RALGPS1: variants seen among roughly 807,000 people sequenced by gnomAD.
RALGPS1 encodes Ral GEF with PH domain and SH3 binding motif 1, also known as ras-specific guanine nucleotide-releasing factor RalGPS1.
Under a neutral mutation model 78.8 loss-of-function variants are expected in RALGPS1, and 19 were observed. The observed-to-expected ratio is 0.24, with a 90% CI of 0.17 to 0.35. The LOEUF is 0.35. Ranked by LOEUF, RALGPS1 falls within the 10% of genes least tolerant of loss-of-function variation. The pLI, the probability that RALGPS1 is intolerant of heterozygous loss-of-function variation, is 1.00. For missense variants in RALGPS1, 454 were observed against 688.3 expected, an observed-to-expected ratio of 0.66 and a Z score of 3.81; for synonymous variants, 228 against 256.3, an observed-to-expected ratio of 0.89 and a Z score of 1.06.
chr9:126,949,262 G>A lies in RALGPS1; in HGVS notation c.-65-12963G>A, dbSNP rs545310652. 6.3e-4 allele frequency among the ~76,000 whole-genome samples: 96 copies of A among 152,256 alleles called. 1 individual carries two copies. In the South Asian group the frequency reaches 0.016, roughly 26 times the overall value. ...AGTCTTTGCTATTGTGAATAGTGCC[G>A]CAATAAACATAGGTGTGCATGTGTC... On this transcript the variant is annotated intron_variant, in intron 1 of 18. Coordinates refer to ENST00000259351, the MANE Select transcript of RALGPS1 (RefSeq NM_014636.3).
At chr9:127,045,184 A>G (rs991881430) in intron 5 of RALGPS1, among the ~76,000 whole-genome samples, 1 of 152,208 alleles carries the variant, frequency 6.6e-6, no homozygotes, top group Non-Finnish European at 1.5e-5. Flanking sequence ...AAACCTTAAT[A>G]TATGCAAATT....
chr9:127,123,359 C>T (rs1478561610), intron 8 of RALGPS1, among the ~76,000 whole-genome samples: 2 of 152,226 alleles, frequency 1.3e-5, no homozygotes, highest in Non-Finnish European at 2.9e-5. Flanking sequence ...TTCACTTCAC[C>T]TCTCTGGGCA....
intron 4 of RALGPS1, among the ~76,000 whole-genome samples, chr9:127,000,647 C>G (rs2043211492): frequency 7.3e-6 from 1 of 136,886 alleles, no homozygotes; most frequent in Non-Finnish European, 1.5e-5. Flanking sequence ...TTCCCAGGTT[C>G]AAGCGATTCT....
intron 5 of RALGPS1, among the ~76,000 whole-genome samples, chr9:127,040,849 T>C (rs1049367775): frequency 6.6e-5 from 10 of 152,206 alleles, no homozygotes; most frequent in African/African-American, 2.2e-4. Flanking sequence ...TAGCGATATG[T>C]AGTTAACATT....
intron 4 of RALGPS1, among the ~76,000 whole-genome samples, chr9:127,015,329 G>A (rs150970973): frequency 8.5e-5 from 13 of 152,162 alleles, no homozygotes; most frequent in African/African-American, 3.1e-4. Flanking sequence ...TAACCTGGGG[G>A]CAATCATAGC....
chr9:127,171,460 T>C (rs758371892), intron 10 of RALGPS1, among the ~76,000 whole-genome samples: 8 of 152,158 alleles, frequency 5.3e-5, no homozygotes, highest in African/African-American at 7.2e-5. Flanking sequence ...CTAAAATTAA[T>C]AAAAGAGGGC....
At chr9:127,106,506 A>C (rs1218578667) in intron 8 of RALGPS1, among the ~76,000 whole-genome samples, 1 of 152,230 alleles carries the variant, frequency 6.6e-6, no homozygotes, top group Admixed American at 6.5e-5. Flanking sequence ...GACAGGCACT[A>C]TTTTAATCTA....
intron 8 of RALGPS1, among the ~76,000 whole-genome samples, chr9:127,145,833 TC>T (rs2058063782): frequency 6.6e-6 from 1 of 152,242 alleles, no homozygotes; most frequent in African/African-American, 2.4e-5. Flanking sequence ...CTCTGACCTT[TC>T]GTTTCCTCAT....
At chr9:127,041,030 T>TG (rs1365055771) in intron 5 of RALGPS1, among the ~76,000 whole-genome samples, 29 of 125,968 alleles carry the variant, frequency 2.3e-4, no homozygotes, top group East Asian at 1.8e-3. Context: ...GCTACAAACA[T>TG]TTGTGTGTGT....
intron 8 of RALGPS1, among the ~76,000 whole-genome samples, chr9:127,129,877 T>C (rs1459292165): frequency 1.3e-5 from 2 of 152,226 alleles, no homozygotes; most frequent in Non-Finnish European, 2.9e-5. Flanking sequence ...GGGATCTGTT[T>C]TTCCTGTCTG....
intron 4 of RALGPS1, among the ~76,000 whole-genome samples, chr9:127,016,060 T>C (rs536711012): frequency 0.023 from 3,548 of 152,052 alleles, 44 homozygotes; most frequent in Middle Eastern, 0.048. Context: ...CCATTTGCAT[T>C]TTTTTCTGTT....
intron 8 of RALGPS1, chr9:127,094,070 T>C (rs1018404081): frequency 1.2e-6 from 1 of 833,288 alleles, no homozygotes; most frequent in African/African-American, 1.7e-5. Context: ...ATTTTTGTTT[T>C]GCGAGTTTAA....
At chr9:127,010,185 T>TGGGGAGAGGCTGG (rs1554787468) in intron 4 of RALGPS1, among the ~76,000 whole-genome samples, 1 of 151,926 alleles carries the variant, frequency 6.6e-6, no homozygotes, top group Non-Finnish European at 1.5e-5. Context: ...AGGCTAGAGG[T>TGGGGAGAGGCTGG]GGGGAGAGGC....
chr9:127,088,668 C>A (rs946886185), intron 8 of RALGPS1: 1 of 496,396 alleles, frequency 2.0e-6, no homozygotes, highest in East Asian at 3.6e-5. Flanking sequence ...ATTGTAGAGA[C>A]TTAATTTATT....
chr9:127,093,886 G>T (rs376778955), intron 8 of RALGPS1: 4 of 1,613,930 alleles, frequency 2.5e-6, no homozygotes, highest in Non-Finnish European at 3.4e-6. Context: ...AGCTGGTGTC[G>T]TGGCCATCCT....
chr9:127,086,481 T>A (rs2051758483), intron 8 of RALGPS1, among the ~76,000 whole-genome samples: 1 of 152,224 alleles, frequency 6.6e-6, no homozygotes, highest in Non-Finnish European at 1.5e-5. Context: ...GAGGTTGACA[T>A]CTTGTTTACT....
chr9:127,052,517 G>A (rs940423048), intron 6 of RALGPS1, among the ~76,000 whole-genome samples: 5 of 152,140 alleles, frequency 3.3e-5, no homozygotes, highest in Non-Finnish European at 7.4e-5. Context: ...GATGCTGTTG[G>A]CACAGTCGGG....
intron 11 of RALGPS1, among the ~76,000 whole-genome samples, chr9:127,181,770 G>C (rs1028521481): frequency 1.3e-5 from 2 of 152,000 alleles, no homozygotes; most frequent in South Asian, 2.1e-4. Context: ...GTGGCAACTG[G>C]GGGAGAGGAT....
rs992733469 is a variant in RALGPS1 at position 127,205,632 on chromosome 9, G to A, written c.1248-6499G>A. ...TCAGCACCTAGAAAGCGGGCAGGAC[G>A]CTCCTTCCATCTTGTGTCCATCCTT... On this transcript the variant is annotated intron_variant, in intron 14 of 18. Transcript: ENST00000259351. This position sits in a 1 kb window ranked among gnomAD's most constrained non-coding sequence, Gnocchi z 4.0. 2.0e-5 allele frequency among the ~76,000 whole-genome samples: 3 copies of A among 152,192 alleles called. No homozygotes were observed. The highest frequency in any genetic ancestry group is 7.2e-5 in the African/African-American group (3 of 41,450).
Sources: gnomAD v4.1 joint callset for allele counts (sites outside exome capture counted in the v4.1 genomes callset) on GRCh38, gnomAD v4.1.1 for gene constraint, Gnocchi (gnomAD v3.1) non-coding constraint, MANE v1.5 for transcripts, NCBI Gene and HGNC (gene_info 2026-07-23, HGNC 2026-07-21) for gene names.